The following CEP70 variants were observed in gnomAD, a reference collection of about 807,000 sequenced individuals.
CEP70 encodes centrosomal protein 70.
A neutral mutation model predicts 90.9 loss-of-function variants in CEP70; 70 were observed. The observed-to-expected ratio is 0.77, with a 90% confidence interval of 0.64 to 0.94. CEP70 has a LOEUF of 0.94. Among genes scored for constraint, CEP70 ranks in the 40% least tolerant of loss-of-function variants. The pLI, the probability that CEP70 is intolerant of heterozygous loss-of-function variation, is 0.00. For missense variants in CEP70, 648 were observed against 669.0 expected (o/e 0.97, Z 0.35); for synonymous variants, 220 against 228.3 (o/e 0.96, Z 0.33).
At chr3:138,587,204 GA>G (rs1419402340) in intron 2 of CEP70, among the ~76,000 whole-genome samples, 3 of 151,776 alleles carry the variant, frequency 2.0e-5, no homozygotes, top group Non-Finnish European at 4.4e-5. Flanking sequence ...AATTATTTCT[GA>G]AATGAAGATT....
intron 7 of CEP70, among the ~76,000 whole-genome samples, chr3:138,535,440 C>T (rs550933831): frequency 6.6e-6 from 1 of 152,296 alleles, no homozygotes; most frequent in Admixed American, 6.5e-5. Context: ...GCATATATGT[C>T]TATCTACCCA....
At position 138,572,894 on chromosome 3, in the gene CEP70, T is replaced by C. The variant is rs1428261626; in HGVS notation, c.34A>G (p.Ser12Gly). ...GTCATGAGTCTGTCTGATGGTTGAC[T>C]GGAATCCTGGGGTTTAGGGGCTACC... ...FPVAPKPQDS[S>G]QPSDRLMTEK... The change falls in exon 3 of 18, where the codon AGT (serine) becomes GGT (glycine). Residue 12 changes from serine to glycine, a missense_variant. By Grantham distance (56) the Ser-to-Gly change is moderately conservative (BLOSUM62 0). Coordinates refer to ENST00000264982, the MANE Select transcript of CEP70 (RefSeq NM_024491.4). The C allele has an allele frequency of 6.2e-7, 1 of 1,611,214 alleles. No homozygotes were observed.
At chr3:138,527,836 G>A (rs944811185) in intron 10 of CEP70, among the ~76,000 whole-genome samples, 10 of 151,932 alleles carry the variant, frequency 6.6e-5, no homozygotes, top group African/African-American at 1.9e-4. Flanking sequence ...TTATAGGTAT[G>A]AGCCACTGCA....
At chr3:138,582,178 CA>C (rs1177562908) in intron 2 of CEP70, among the ~76,000 whole-genome samples, 1 of 151,996 alleles carries the variant, frequency 6.6e-6, no homozygotes, top group Non-Finnish European at 1.5e-5. Context: ...CACGGGTAAT[CA>C]AAAGTACACA....
At chr3:138,497,917 G>A in intron 17 of CEP70, 114 bp downstream of exon 17, 1 of 1,518,250 alleles carries the variant, frequency 6.6e-7, no homozygotes, top group South Asian at 1.2e-5. Flanking sequence ...AGAACTGTTA[G>A]TGGTTTCCAA....
Position 138,571,094 on chromosome 3 carries a change from T to C in CEP70, c.224A>G (p.Glu75Gly). 6.2e-7 allele frequency: 1 copy of C among 1,606,884 alleles called. No individual in the cohort carries two copies. The highest frequency in any genetic ancestry group is 1.3e-5 in the African/African-American group (1 of 74,828). The change falls in exon 5 of 18, where the codon GAA (glutamate) becomes GGA (glycine). Residue 75 changes from glutamate (E) to glycine (G), a missense_variant. Coordinates refer to ENST00000264982, the MANE Select transcript of CEP70 (RefSeq NM_024491.4). ...CATGTTCTGTTGACATGATGTTTCT[T>C]CCACCAACAATTTCAAATTCTGTCT... Reference protein sequence around the residue: ...RMRQNLKLLVEETSCQQNMIQ... With the variant: ...RMRQNLKLLVGETSCQQNMIQ...
chr3:138,533,939 C>A (rs1344487684), intron 7 of CEP70, among the ~76,000 whole-genome samples: 1 of 152,056 alleles, frequency 6.6e-6, no homozygotes, highest in African/African-American at 2.4e-5. Context: ...CGCCTGCCAC[C>A]ACGCCCAGCT....
At chr3:138,590,825 A>G (rs1172700254) in intron 2 of CEP70, among the ~76,000 whole-genome samples, 1 of 150,470 alleles carries the variant, frequency 6.6e-6, no homozygotes, top group Non-Finnish European at 1.5e-5. Context: ...ATAAATAATA[A>G]AAAAAAAACA....
chr3:138,535,158 A>G (rs2038156955), intron 7 of CEP70, among the ~76,000 whole-genome samples: 2 of 152,194 alleles, frequency 1.3e-5, no homozygotes, highest in Admixed American at 1.3e-4. Context: ...AATCTCATGT[A>G]TCCTATGTTC....
chr3:138,534,313 ACT>A (rs1182911393), intron 7 of CEP70, among the ~76,000 whole-genome samples: 1 of 151,516 alleles, frequency 6.6e-6, no homozygotes, highest in Admixed American at 6.6e-5. Context: ...TTCCCCAATT[ACT>A]CTTTTTCTCT....
intron 11 of CEP70, among the ~76,000 whole-genome samples, chr3:138,521,047 T>G (rs1398326988): frequency 6.6e-6 from 1 of 152,124 alleles, no homozygotes; most frequent in African/African-American, 2.4e-5. Flanking sequence ...TGACCTCGAG[T>G]GATCTGCCTG....
At chr3:138,526,251 C>G (rs1172059601) in intron 10 of CEP70, among the ~76,000 whole-genome samples, 4 of 152,118 alleles carry the variant, frequency 2.6e-5, no homozygotes, top group African/African-American at 9.7e-5. Context: ...ACCTCCACCT[C>G]CCAGGTTCAA....
chr3:138,538,150 A>G (rs2038445940), intron 6 of CEP70, among the ~76,000 whole-genome samples: 1 of 152,202 alleles, frequency 6.6e-6, no homozygotes, highest in South Asian at 2.1e-4. Flanking sequence ...CAACCCACAG[A>G]AAGCATCACA....
chr3:138,512,695 T>G (rs1334525477), intron 11 of CEP70, among the ~76,000 whole-genome samples: 1 of 152,182 alleles, frequency 6.6e-6, no homozygotes, highest in Non-Finnish European at 1.5e-5. Flanking sequence ...AAATATGCTG[T>G]TTTATCTATT....
intron 6 of CEP70, among the ~76,000 whole-genome samples, chr3:138,561,579 A>G (rs990710792): frequency 6.6e-6 from 1 of 152,194 alleles, no homozygotes; most frequent in Non-Finnish European, 1.5e-5. Flanking sequence ...AAGGTGGGTA[A>G]TAACAAATTC....
At chr3:138,517,803 T>C (rs1256590926) in intron 11 of CEP70, among the ~76,000 whole-genome samples, 3 of 152,120 alleles carry the variant, frequency 2.0e-5, no homozygotes, top group Non-Finnish European at 4.4e-5. Flanking sequence ...AGGTACGAGG[T>C]TCATCTCACT....
At chr3:138,526,119 G>T (rs558346908) in intron 10 of CEP70, among the ~76,000 whole-genome samples, 10 of 151,996 alleles carry the variant, frequency 6.6e-5, no homozygotes, top group African/African-American at 2.4e-4. Flanking sequence ...CTTATGCTAG[G>T]TATCAGGTCC....
At chr3:138,521,727 C>T (rs572937791) in intron 11 of CEP70, among the ~76,000 whole-genome samples, 68 of 152,026 alleles carry the variant, frequency 4.5e-4, no homozygotes, top group African/African-American at 1.6e-3. Context: ...TCTGCCCCGC[C>T]GCCATGTCTG....
At chr3:138,574,123 C>T (rs528646374) in intron 2 of CEP70, among the ~76,000 whole-genome samples, 12 of 152,168 alleles carry the variant, frequency 7.9e-5, no homozygotes, top group Admixed American at 3.9e-4. Context: ...AAGGGCGAGC[C>T]GAAGCAGGGT....
Sources: gnomAD v4.1 joint callset for allele counts (sites outside exome capture counted in the v4.1 genomes callset) on GRCh38, gnomAD v4.1.1 for gene constraint, MANE v1.5 for transcripts, NCBI Gene and HGNC (gene_info 2026-07-23, HGNC 2026-07-21) for gene names.